The following KCNU1 variants were observed in gnomAD, a reference collection of about 807,000 sequenced individuals.
KCNU1 encodes potassium calcium-activated channel subfamily U member 1.
In KCNU1, 93 loss-of-function variants were observed where a neutral mutation model predicts 126.8. The observed-to-expected ratio is 0.73, with a 90% CI of 0.62 to 0.87. KCNU1 has a LOEUF of 0.87. Ranked by LOEUF, KCNU1 falls within the 40% of genes least tolerant of loss-of-function variation. KCNU1 has a pLI of 0.00. For missense variants in KCNU1, 1,330 were observed against 1,367.1 expected, an observed-to-expected ratio of 0.97 and a Z score of 0.43; for synonymous variants, 523 against 494.2, an observed-to-expected ratio of 1.06 and a Z score of -0.77.
intron 19 of KCNU1, among the ~76,000 whole-genome samples, chr8:36,875,607 A>G (rs2117378951): frequency 6.6e-6 from 1 of 152,100 alleles, no homozygotes; most frequent in African/African-American, 2.4e-5. Flanking sequence ...ATGACCTTCC[A>G]AAATAAAAAT....
intron 19 of KCNU1, among the ~76,000 whole-genome samples, chr8:36,898,783 G>A (rs1414673685): frequency 6.6e-6 from 1 of 152,032 alleles, no homozygotes; most frequent in African/African-American, 2.4e-5. Context: ...TATTTAGAAA[G>A]TGTTGGAGAG....
At chr8:36,825,927 A>G (rs560266378) in intron 10 of KCNU1, among the ~76,000 whole-genome samples, 2 of 152,248 alleles carry the variant, frequency 1.3e-5, no homozygotes, top group East Asian at 3.9e-4. Flanking sequence ...TGAAAGAGCT[A>G]TCTTTTTCAA....
chr8:36,934,691 A>G (rs1466481843), intron 26 of KCNU1, among the ~76,000 whole-genome samples: 1 of 152,136 alleles, frequency 6.6e-6, no homozygotes, highest in Non-Finnish European at 1.5e-5. Flanking sequence ...AGTGAAGGAA[A>G]TTCAATGGTG....
intron 2 of KCNU1, among the ~76,000 whole-genome samples, chr8:36,792,348 C>G (rs1015684562): frequency 2.0e-5 from 3 of 152,148 alleles, no homozygotes; most frequent in African/African-American, 4.8e-5. Flanking sequence ...TGTGGCACTT[C>G]TTTGTGGAGA....
chr8:36,913,322 T>C (rs1302881615), intron 22 of KCNU1, among the ~76,000 whole-genome samples: 1 of 150,526 alleles, frequency 6.6e-6, no homozygotes, highest in African/African-American at 2.4e-5. Flanking sequence ...GGAAAAAAAA[T>C]TGGAAAGGCA....
At chr8:36,840,682 A>G in intron 15 of KCNU1, 107 bp downstream of exon 15, 1 of 747,752 alleles carries the variant, frequency 1.3e-6, no homozygotes, top group African/African-American at 1.8e-5. Context: ...CTGAAGATCT[A>G]AGAAGGGACA....
chr8:36,849,145 C>T (rs1335055028), intron 18 of KCNU1, among the ~76,000 whole-genome samples: 1 of 152,096 alleles, frequency 6.6e-6, no homozygotes. Context: ...GCCCTGGAAA[C>T]CACTAGTCTA....
chr8:36,873,478 T>C (rs1353492604), intron 19 of KCNU1, among the ~76,000 whole-genome samples: 20 of 152,218 alleles, frequency 1.3e-4, no homozygotes, highest in Admixed American at 1.3e-3. Context: ...TATTGGCTTT[T>C]ATACAATTAT....
chr8:36,929,494 T>C lies in KCNU1; in HGVS notation c.2737-1457T>C, dbSNP rs568049613. On this transcript the variant is annotated intron_variant, in intron 24 of 26. Transcript: ENST00000399881. ...TGACAGTCCAAGATTCAAACTCAAG[T>C]GTGTTTCATACAAGCAACTAACTGT... is the stretch of plus-strand genomic sequence containing the variant. 4.6e-5 allele frequency among the ~76,000 whole-genome samples: 7 copies of C among 150,886 alleles called. 1 individual carries two copies. The highest frequency in any genetic ancestry group is 1.7e-4 in the African/African-American group (7 of 41,194).
intron 19 of KCNU1, chr8:36,889,052 T>G (rs1394153536): frequency 8.0e-6 from 4 of 503,020 alleles, no homozygotes; most frequent in Non-Finnish European, 1.6e-5. Context: ...CTAATTATTG[T>G]ATTTTTAGTA....
intron 10 of KCNU1, among the ~76,000 whole-genome samples, chr8:36,824,106 G>A (rs940169640): frequency 6.6e-6 from 1 of 152,076 alleles, no homozygotes; most frequent in Non-Finnish European, 1.5e-5. Flanking sequence ...CAAAGTACTG[G>A]GATTGCAAGC....
chr8:36,901,231 C>T (rs1807405742), intron 19 of KCNU1, among the ~76,000 whole-genome samples: 1 of 152,092 alleles, frequency 6.6e-6, no homozygotes, highest in Non-Finnish European at 1.5e-5. Context: ...GGAAACCATG[C>T]CTCCTGAACT....
chr8:36,902,737 A>G (rs538224587), intron 19 of KCNU1, among the ~76,000 whole-genome samples: 17 of 152,226 alleles, frequency 1.1e-4, no homozygotes, highest in African/African-American at 4.1e-4. Context: ...GACCAGACTC[A>G]GGTATTAGCT....
At position 36,789,196 on chromosome 8, in the gene KCNU1, T is replaced by C. The variant is rs376430144; in HGVS notation, c.315+1771T>C. ...CATAGCAAGACCTCACCTCTACAAATAATTTAAAAGTTAACTCAGCGTGTT... is the reference window on the plus strand; with the variant it reads ...CATAGCAAGACCTCACCTCTACAAACAATTTAAAAGTTAACTCAGCGTGTT... On this transcript the variant is annotated intron_variant, in intron 2 of 26. Coordinates refer to ENST00000399881, the MANE Select transcript of KCNU1 (RefSeq NM_001031836.3). Among the ~76,000 whole-genome samples, 159 of 152,108 alleles carry C rather than the reference T, an allele frequency of 1.0e-3. 1 individual carries two copies. Among genetic ancestry groups the C allele is most frequent in the African/African-American group, 3.7e-3 (153 of 41,496 alleles).
At position 36,814,066 on chromosome 8, in the gene KCNU1, A is replaced by T. The variant is rs142877547; in HGVS notation, c.733-141A>T. On this transcript the variant is annotated intron_variant, in intron 7 of 26. Transcript: ENST00000399881. ...TTTACAAACTCTTCCATTTATGTAAACTCTTCATAGCAACCTGAAAGCCAT... is the reference window on the plus strand; with the variant it reads ...TTTACAAACTCTTCCATTTATGTAATCTCTTCATAGCAACCTGAAAGCCAT... The T allele has an allele frequency of 4.5e-4, 289 of 639,356 alleles. No individual in the cohort carries two copies. The African/African-American group carries it at 4.8e-3, about 11-fold the overall frequency. 39.6% of individuals were successfully genotyped at this position (639,356 alleles called of 1,614,324 possible). A position where few individuals can be genotyped will look rare whatever the true frequency, so the allele number is the denominator to read the frequency against.
chr8:36,827,738 T>A (rs946387366), intron 10 of KCNU1, among the ~76,000 whole-genome samples: 1 of 152,148 alleles, frequency 6.6e-6, no homozygotes, highest in Non-Finnish European at 1.5e-5. Context: ...TGGTCATGTA[T>A]CACATACTGA....
At chr8:36,857,954 TC>T (rs1398016908) in intron 18 of KCNU1, among the ~76,000 whole-genome samples, 2 of 152,152 alleles carry the variant, frequency 1.3e-5, no homozygotes, top group East Asian at 3.9e-4. Context: ...CCACAAGTTT[TC>T]TTCATTTGCT....
chr8:36,901,148 C>A (rs1807401990), intron 19 of KCNU1, among the ~76,000 whole-genome samples: 1 of 151,758 alleles, frequency 6.6e-6, no homozygotes, highest in Admixed American at 6.6e-5. Flanking sequence ...CATTTTTTGG[C>A]AGATCACCTT....
intron 19 of KCNU1, among the ~76,000 whole-genome samples, chr8:36,887,625 T>A (rs1006820847): frequency 6.6e-6 from 1 of 152,096 alleles, no homozygotes; most frequent in African/African-American, 2.4e-5. Context: ...CTGAAATCAG[T>A]CTCTTGTCCA....
Sources: gnomAD v4.1 joint callset for allele counts (sites outside exome capture counted in the v4.1 genomes callset) on GRCh38, gnomAD v4.1.1 for gene constraint, MANE v1.5 for transcripts, NCBI Gene and HGNC (gene_info 2026-07-23, HGNC 2026-07-21) for gene names.